PRKN: variants seen among roughly 807,000 people sequenced by gnomAD.
PRKN encodes parkin RBR E3 ubiquitin protein ligase, also known as E3 ubiquitin-protein ligase parkin.
In PRKN, 56 loss-of-function variants were observed where a neutral mutation model predicts 59.5. That is an observed-to-expected ratio of 0.94 (90% CI 0.76 to 1.18). The LOEUF (loss-of-function observed/expected upper bound fraction) is 1.18, where lower values mean the gene tolerates loss of function less well. Ranked by LOEUF, PRKN falls within the 50% of genes most tolerant of loss-of-function variation. The probability of loss-of-function intolerance (pLI) is 0.00; values close to 1 mark genes in which losing one functional copy is unlikely to be tolerated. For synonymous variants in PRKN, 250 were observed against 222.1 expected (o/e 1.13, Z -1.12); for missense variants, 657 against 596.4 (o/e 1.10, Z -1.06).
chr6:162,401,662 T>C (rs1178872369), intron 2 of PRKN, among the ~76,000 whole-genome samples: 1 of 152,122 alleles, frequency 6.6e-6, no homozygotes, highest in Non-Finnish European at 1.5e-5. Context: ...CCATCATAAG[T>C]TGAGCATCAT....
At chr6:161,654,443 T>A (rs1193733810) in intron 7 of PRKN, among the ~76,000 whole-genome samples, 1 of 152,054 alleles carries the variant, frequency 6.6e-6, no homozygotes, top group East Asian at 1.9e-4. Flanking sequence ...CCAGCAGCCA[T>A]GAAGAAGCCT....
intron 6 of PRKN, among the ~76,000 whole-genome samples, chr6:161,817,783 C>G (rs3016534): frequency 0.03 from 4,518 of 152,054 alleles, 229 homozygotes; most frequent in African/African-American, 0.1. Context: ...CGAATGACAA[C>G]GCTACTCCTA....
At chr6:162,314,154 C>T (rs1269402996) in intron 2 of PRKN, among the ~76,000 whole-genome samples, 1 of 152,072 alleles carries the variant, frequency 6.6e-6, no homozygotes, top group Non-Finnish European at 1.5e-5. Context: ...TTAATCTGGT[C>T]TCCCCAAGAA....
intron 6 of PRKN, among the ~76,000 whole-genome samples, chr6:161,883,043 C>CA (rs957043690): frequency 2.4e-5 from 2 of 83,392 alleles, no homozygotes; most frequent in African/African-American, 9.7e-5. Flanking sequence ...AAAAAAAAAC[C>CA]AAAAAAACTC....
At chr6:161,543,506 C>T (rs1003496958) in intron 9 of PRKN, among the ~76,000 whole-genome samples, 1 of 152,176 alleles carries the variant, frequency 6.6e-6, no homozygotes, top group Non-Finnish European at 1.5e-5. Flanking sequence ...CCTGACAAAC[C>T]TGCCTCCGAG....
intron 4 of PRKN, among the ~76,000 whole-genome samples, chr6:162,152,295 TCC>T (rs1353335932): frequency 1.3e-5 from 2 of 152,128 alleles, no homozygotes; most frequent in Non-Finnish European, 2.9e-5. Context: ...ATTTTCCAAA[TCC>T]TTCCTAATTT....
At position 161,352,882 on chromosome 6, in the gene PRKN, C is replaced by T. The variant is rs1784618256; in HGVS notation, c.1286-2671G>A. Reference sequence around the variant, plus strand: ...GCCACCTCTGCCTCCCGGGTTCAAGCAATTCTCCTGCCTCAGCCTCTCGAG... The same window carrying T: ...GCCACCTCTGCCTCCCGGGTTCAAGTAATTCTCCTGCCTCAGCCTCTCGAG... On this transcript the variant is annotated intron_variant, in intron 11 of 11. Transcript: ENST00000366898. This position sits in a 1 kb window ranked among gnomAD's most constrained non-coding sequence, Gnocchi z 5.8. Among the ~76,000 whole-genome samples, 1 of 151,834 alleles carries T rather than the reference C, an allele frequency of 6.6e-6. No individual in the cohort carries two copies. The highest frequency in any genetic ancestry group is 1.5e-5 in the Non-Finnish European group (1 of 67,986).
chr6:162,038,902 C>G (rs1490975914), intron 5 of PRKN, among the ~76,000 whole-genome samples: 1 of 152,080 alleles, frequency 6.6e-6, no homozygotes, highest in Non-Finnish European at 1.5e-5. Context: ...CGCCTGTAAT[C>G]CCAACACTTT....
At chr6:162,496,757 A>G (rs374257019) in intron 1 of PRKN, among the ~76,000 whole-genome samples, 20 of 152,352 alleles carry the variant, frequency 1.3e-4, no homozygotes, top group Admixed American at 4.6e-4. Context: ...ATTAGACATA[A>G]TAAGTGCCTA....
chr6:162,155,764 C>CT (rs1399567243), intron 4 of PRKN, among the ~76,000 whole-genome samples: 11 of 150,010 alleles, frequency 7.3e-5, no homozygotes, highest in Non-Finnish European at 1.5e-4. Context: ...TTCTGTAAAT[C>CT]TTGACACTGG....
At position 162,306,830 on chromosome 6, in the gene PRKN, G is replaced by T. The variant is rs541115335; in HGVS notation, c.172-44065C>A. On this transcript the variant is annotated intron_variant, in intron 2 of 11. Transcript: ENST00000366898. ...AGAGCTAAGAGCAACTGTTTCAAAG[G>T]CCCAGGCACGCTGCCAATGCTGAGG... 3.9e-5 allele frequency among the ~76,000 whole-genome samples: 6 copies of T among 152,232 alleles called. No individual in the cohort carries two copies. The East Asian group carries it at 1.2e-3, about 29-fold the overall frequency.
intron 7 of PRKN, among the ~76,000 whole-genome samples, chr6:161,732,485 T>TGTGTGTGTGTG (rs113804410): frequency 2.7e-5 from 4 of 146,418 alleles, no homozygotes; most frequent in African/African-American, 1.0e-4. Flanking sequence ...TTTTTTTTTT[T>TGTGTGTGTGTG]TGTGTGTGTG....
At chr6:161,977,541 GGTTTTTTTTTTTTTTT>G (rs1327678129) in intron 5 of PRKN, among the ~76,000 whole-genome samples, 4 of 98,714 alleles carry the variant, frequency 4.1e-5, no homozygotes, top group Non-Finnish European at 7.6e-5. Flanking sequence ...CTGTTTTTTT[GGTTTTTTTTTTTTTTT>G]TTTTTTTTAA....
intron 4 of PRKN, among the ~76,000 whole-genome samples, chr6:162,184,596 C>T (rs181303319): frequency 3.6e-4 from 55 of 152,256 alleles, no homozygotes; most frequent in Middle Eastern, 3.4e-3. Flanking sequence ...CCACCATGAT[C>T]GTAAGTTTCC....
intron 2 of PRKN, among the ~76,000 whole-genome samples, chr6:162,312,928 C>T (rs1195425107): frequency 6.6e-6 from 1 of 151,952 alleles, no homozygotes; most frequent in Non-Finnish European, 1.5e-5. Context: ...AAGAAATGTA[C>T]ACTAGATGCC....
chr6:162,331,208 G>A (rs1280808345), intron 2 of PRKN, among the ~76,000 whole-genome samples: 4 of 150,256 alleles, frequency 2.7e-5, no homozygotes, highest in African/African-American at 9.8e-5. Context: ...ATCACAAGAA[G>A]CACAAGGATG....
At chr6:162,259,014 C>T (rs1479978752) in intron 3 of PRKN, among the ~76,000 whole-genome samples, 1 of 152,134 alleles carries the variant, frequency 6.6e-6, no homozygotes, top group African/African-American at 2.4e-5. Context: ...CCCATTAGAG[C>T]CCTCCCACGT....
chr6:161,737,395 A>T (rs571914640), intron 7 of PRKN, among the ~76,000 whole-genome samples: 2 of 152,340 alleles, frequency 1.3e-5, no homozygotes, highest in African/African-American at 4.8e-5. Flanking sequence ...AGAGGCAGGG[A>T]TGGAGAGGGG....
intron 2 of PRKN, among the ~76,000 whole-genome samples, chr6:162,387,553 C>CAGAGAGAGAGAGAGAGAG (rs1204741690): frequency 1.2e-5 from 1 of 80,232 alleles, no homozygotes; most frequent in African/African-American, 6.6e-5. Flanking sequence ...CACACACACA[C>CAGAGAGAGAGAGAGAGAG]ACAGAGAGAG....
Sources: allele counts gnomAD v4.1 joint callset (sites outside exome capture counted in the v4.1 genomes callset), GRCh38; gene constraint gnomAD v4.1.1; non-coding constraint Gnocchi (gnomAD v3.1); transcripts MANE v1.5; gene names NCBI Gene and HGNC (gene_info 2026-07-23, HGNC 2026-07-21).